Variants in WWOX observed in about 807,000 individuals in gnomAD.
The protein encoded by WWOX is WW domain-containing oxidoreductase.
Under a neutral mutation model 46.2 loss-of-function variants are expected in WWOX, and 69 were observed. The observed-to-expected ratio is 1.49, with a 90% CI of 1.23 to 1.82. The LOEUF (loss-of-function observed/expected upper bound fraction) is 1.82. Ranked by LOEUF, WWOX falls within the 40% of genes most tolerant of loss-of-function variation. WWOX has a pLI of 0.00. For synonymous variants in WWOX, 359 were observed against 202.6 expected (o/e 1.77, Z -6.56); for missense variants, 919 against 542.6 (o/e 1.69, Z -6.89).
intron 5 of WWOX, among the ~76,000 whole-genome samples, chr16:78,259,802 A>T (rs1019019317): frequency 6.6e-6 from 1 of 151,276 alleles, no homozygotes; most frequent in African/African-American, 2.4e-5. Context: ...GGAATTTCAT[A>T]TCTAGAAAAA....
At chr16:78,404,883 C>G (rs2082491020) in intron 6 of WWOX, among the ~76,000 whole-genome samples, 1 of 152,160 alleles carries the variant, frequency 6.6e-6, no homozygotes, top group Admixed American at 6.6e-5. Context: ...TGGAAACAAC[C>G]AGAACTGTAA....
chr16:78,485,643 C>T (rs1019473505), intron 8 of WWOX, among the ~76,000 whole-genome samples: 48 of 152,134 alleles, frequency 3.2e-4, no homozygotes, highest in African/African-American at 7.2e-4. Flanking sequence ...GAGCACTGCC[C>T]GCCGCGTGAA....
chr16:78,546,278 G>C (rs1054256108), intron 8 of WWOX, among the ~76,000 whole-genome samples: 2 of 152,178 alleles, frequency 1.3e-5, no homozygotes, highest in South Asian at 2.1e-4. Context: ...AAGCATGAAA[G>C]GGAACAGAAG....
chr16:78,136,606 G>C (rs1376260327), intron 4 of WWOX, among the ~76,000 whole-genome samples: 1 of 152,172 alleles, frequency 6.6e-6, no homozygotes, highest in Non-Finnish European at 1.5e-5. Context: ...ACAGAGACTT[G>C]AGGAACGTAG....
chr16:78,213,983 A>T (rs923533895), intron 5 of WWOX, among the ~76,000 whole-genome samples: 2 of 152,068 alleles, frequency 1.3e-5, no homozygotes, highest in African/African-American at 4.8e-5. Context: ...TGCTCTTCTA[A>T]GCACTGAAAT....
chr16:78,827,619 G>C (rs568960834), intron 8 of WWOX, among the ~76,000 whole-genome samples: 199 of 151,938 alleles, frequency 1.3e-3, no homozygotes, highest in Middle Eastern at 3.4e-3. Flanking sequence ...GGTCACCTGA[G>C]GTCAGGACTT....
intron 8 of WWOX, among the ~76,000 whole-genome samples, chr16:78,804,291 T>G (rs1407072729): frequency 1.3e-5 from 2 of 152,116 alleles, no homozygotes; most frequent in African/African-American, 4.8e-5. Flanking sequence ...GTCTTTGCCC[T>G]CAATTTCATT....
At chr16:78,891,919 T>G (rs117879688) in intron 8 of WWOX, 1 of 152,308 alleles carries the variant, frequency 6.6e-6, no homozygotes, top group Non-Finnish European at 1.5e-5. Context: ...GGAGTTTGCT[T>G]CAGTTCTTTG....
At chr16:78,702,185 C>T (rs111952561) in intron 8 of WWOX, among the ~76,000 whole-genome samples, 2 of 146,450 alleles carry the variant, frequency 1.4e-5, no homozygotes, top group Admixed American at 6.9e-5. Context: ...GAGGCCGAGG[C>T]AGGAGAGTCA....
chr16:78,543,575 C>G (rs1233473882), intron 8 of WWOX, among the ~76,000 whole-genome samples: 2 of 152,198 alleles, frequency 1.3e-5, no homozygotes, highest in African/African-American at 4.8e-5. Flanking sequence ...GTTTGAAGCA[C>G]TGTATTGAGC....
At chr16:78,414,049 C>G (rs778162023) in intron 6 of WWOX, among the ~76,000 whole-genome samples, 1 of 151,860 alleles carries the variant, frequency 6.6e-6, no homozygotes, top group Admixed American at 6.6e-5. Flanking sequence ...TGTTCCTGCC[C>G]CACCCTAACT....
chr16:79,037,192 T>A (rs531673631), intron 8 of WWOX, among the ~76,000 whole-genome samples: 166 of 152,294 alleles, frequency 1.1e-3, no homozygotes, highest in African/African-American at 3.8e-3. Flanking sequence ...GTGACAGCAG[T>A]CTTGGCCCTG....
intron 8 of WWOX, among the ~76,000 whole-genome samples, chr16:78,656,323 C>A (rs768278869): frequency 6.6e-6 from 1 of 152,086 alleles, no homozygotes; most frequent in Non-Finnish European, 1.5e-5. Context: ...TCTGTCCCCT[C>A]CTGGTGCCTG....
intron 5 of WWOX, among the ~76,000 whole-genome samples, chr16:78,360,207 AG>A (rs1427616116): frequency 6.6e-6 from 1 of 152,208 alleles, no homozygotes; most frequent in Admixed American, 6.5e-5. Flanking sequence ...AGATATTGTG[AG>A]GACATCCACC....
Position 78,850,309 on chromosome 16 carries a change from C to T in WWOX, c.1057-361299C>T, listed in dbSNP as rs189224743. 8.4e-4 allele frequency among the ~76,000 whole-genome samples: 127 copies of T among 152,038 alleles called. 2 individuals carry two copies. Among genetic ancestry groups the T allele is most frequent in the Admixed American group, 6.0e-3 (92 of 15,288 alleles). ...ATTTTCCCCTATGAATGAGTTTTTT[C>T]GCCTCCATAATATTAGTTATAATAC... On this transcript the variant is annotated intron_variant, in intron 8 of 8. Coordinates refer to ENST00000566780, the MANE Select transcript of WWOX (RefSeq NM_016373.4).
At chr16:78,720,889 A>C (rs143246784) in intron 8 of WWOX, among the ~76,000 whole-genome samples, 1,972 of 152,296 alleles carry the variant, frequency 0.013, 21 homozygotes, top group South Asian at 0.036. Context: ...ATTTGGTCCT[A>C]ACTAAAAGAT....
At chr16:78,776,001 T>C (rs977785096) in intron 8 of WWOX, among the ~76,000 whole-genome samples, 1 of 152,208 alleles carries the variant, frequency 6.6e-6, no homozygotes, top group African/African-American at 2.4e-5. Flanking sequence ...TTATTTATTT[T>C]TCTCTGCAGG....
intron 5 of WWOX, among the ~76,000 whole-genome samples, chr16:78,215,528 G>C (rs910680924): frequency 2.6e-5 from 4 of 152,186 alleles, no homozygotes; most frequent in Non-Finnish European, 5.9e-5. Context: ...TGCCATGATT[G>C]TAAGTTTCCT....
chr16:78,773,483 G>C (rs1368771484), intron 8 of WWOX, among the ~76,000 whole-genome samples: 1 of 152,196 alleles, frequency 6.6e-6, no homozygotes, highest in African/African-American at 2.4e-5. Flanking sequence ...GGGCAGCAGG[G>C]TACTTTGTCC....
Sources: gnomAD v4.1 joint callset for allele counts (sites outside exome capture counted in the v4.1 genomes callset) on GRCh38, gnomAD v4.1.1 for gene constraint, MANE v1.5 for transcripts, NCBI Gene and HGNC (gene_info 2026-07-23, HGNC 2026-07-21) for gene names.